Variants in HIVEP3 observed in about 807,000 individuals in gnomAD.
The protein encoded by HIVEP3 is HIVEP zinc finger 3.
Under a neutral mutation model 152.8 loss-of-function variants are expected in HIVEP3, and 49 were observed. The ratio of observed to expected loss-of-function variants is 0.32; its 90% CI spans 0.26 to 0.41. HIVEP3 has a LOEUF of 0.41. Among genes scored for constraint, HIVEP3 ranks in the 10% least tolerant of loss-of-function variants. HIVEP3 has a pLI of 1.00. For synonymous variants in HIVEP3, 1,269 were observed against 1,289.0 expected (o/e 0.98, Z 0.33); for missense variants, 2,790 against 3,103.3 (o/e 0.90, Z 2.40).
intron 1 of HIVEP3, among the ~76,000 whole-genome samples, chr1:41,842,558 T>C (rs1310381270): frequency 1.3e-5 from 2 of 151,962 alleles, no homozygotes; most frequent in Non-Finnish European, 2.9e-5. Context: ...AATCAGGAGG[T>C]CTTGGTGGAA....
At chr1:41,771,240 G>A (rs1373736559) in intron 1 of HIVEP3, among the ~76,000 whole-genome samples, 2 of 152,034 alleles carry the variant, frequency 1.3e-5, no homozygotes, top group African/African-American at 4.8e-5. Context: ...AATTTCAATT[G>A]CTGTTTCTAA....
intron 3 of HIVEP3, among the ~76,000 whole-genome samples, chr1:41,585,526 T>C (rs982682836): frequency 1.5e-4 from 23 of 152,118 alleles, no homozygotes; most frequent in Admixed American, 6.5e-5. Context: ...CCCGCTCCCA[T>C]GTCAGTGTTG....
At chr1:41,985,361 C>A (rs935233774) in intron 1 of HIVEP3, among the ~76,000 whole-genome samples, 2 of 152,152 alleles carry the variant, frequency 1.3e-5, no homozygotes, top group African/African-American at 4.8e-5. Context: ...GGCTTATAAA[C>A]AATAGAAATT....
intron 3 of HIVEP3, among the ~76,000 whole-genome samples, chr1:41,585,901 C>T (rs1644498221): frequency 6.6e-6 from 1 of 152,148 alleles, no homozygotes; most frequent in African/African-American, 2.4e-5. Context: ...TAGTATTTCT[C>T]TCTGGCCCTG....
At chr1:41,647,661 G>A (rs1271565773) in intron 2 of HIVEP3, among the ~76,000 whole-genome samples, 8 of 152,192 alleles carry the variant, frequency 5.3e-5, no homozygotes, top group African/African-American at 1.9e-4. Flanking sequence ...GGGAACATAG[G>A]GATCTGACTG....
chr1:41,778,169 A>C (rs1475318261), intron 1 of HIVEP3, among the ~76,000 whole-genome samples: 3 of 152,220 alleles, frequency 2.0e-5, no homozygotes, highest in Non-Finnish European at 2.9e-5. Context: ...GAACGAAGGA[A>C]GAGGGGACAA....
chr1:41,754,529 G>A (rs372510813), intron 1 of HIVEP3, among the ~76,000 whole-genome samples: 15 of 152,218 alleles, frequency 9.9e-5, no homozygotes, highest in East Asian at 9.6e-4. Flanking sequence ...CCTGCCTGCC[G>A]TACGTGTGGC....
chr1:41,628,232 C>A (rs772067960), intron 3 of HIVEP3, among the ~76,000 whole-genome samples: 1 of 152,156 alleles, frequency 6.6e-6, no homozygotes, highest in Non-Finnish European at 1.5e-5. Flanking sequence ...TTCTTCACAA[C>A]TTGGGGGCAG....
chr1:41,772,880 G>A (rs553848124), intron 1 of HIVEP3, among the ~76,000 whole-genome samples: 2 of 152,100 alleles, frequency 1.3e-5, no homozygotes, highest in African/African-American at 2.4e-5. Context: ...CACTCCAACC[G>A]GGGTGACAGA....
At chr1:41,629,501 GA>G (rs1383151219) in intron 2 of HIVEP3, among the ~76,000 whole-genome samples, 1 of 152,152 alleles carries the variant, frequency 6.6e-6, no homozygotes, top group East Asian at 1.9e-4. Flanking sequence ...TACAGAATGG[GA>G]GAAAATGTCT....
intron 2 of HIVEP3, among the ~76,000 whole-genome samples, chr1:41,676,657 T>C (rs1645961128): frequency 6.6e-6 from 1 of 152,244 alleles, no homozygotes; most frequent in Non-Finnish European, 1.5e-5. Flanking sequence ...CTGTTCAGTA[T>C]CCTCTCTCCC....
intron 1 of HIVEP3, among the ~76,000 whole-genome samples, chr1:41,832,330 C>T (rs1048308706): frequency 6.6e-6 from 1 of 152,144 alleles, no homozygotes; most frequent in South Asian, 2.1e-4. Context: ...GAGTTCAAGA[C>T]CAGCCTGGGC....
Position 41,510,203 on chromosome 1 carries a change from C to A in HIVEP3, c.*248G>T, listed in dbSNP as rs1399885147. ...ACCATAAACTATTCACAGCCTCAGACTCCTCGTGGGTTGTTGTTTTTTTTT... is the reference window on the plus strand; with the variant it reads ...ACCATAAACTATTCACAGCCTCAGAATCCTCGTGGGTTGTTGTTTTTTTTT... On this transcript the variant is annotated 3_prime_UTR_variant, in exon 9 of 9. Transcript: ENST00000372583. The A allele has an allele frequency of 3.6e-5, 13 of 358,366 alleles. No individual in the cohort carries two copies. The Admixed American group carries it at 6.1e-4, about 17-fold the overall frequency. The allele number at this position is 358,366 out of a possible 1,614,324, so 22.2% of individuals were successfully genotyped here.
intron 2 of HIVEP3, among the ~76,000 whole-genome samples, chr1:41,633,254 G>T (rs1179192338): frequency 6.6e-6 from 1 of 152,100 alleles, no homozygotes; most frequent in Non-Finnish European, 1.5e-5. Flanking sequence ...GAACAGATCT[G>T]CAGTAGCATC....
At chr1:41,946,032 A>C (rs1394456052) in intron 1 of HIVEP3, among the ~76,000 whole-genome samples, 1 of 152,146 alleles carries the variant, frequency 6.6e-6, no homozygotes, top group South Asian at 2.1e-4. Context: ...AAACGGGATT[A>C]AAAAAAGGCC....
At chr1:41,761,537 C>T (rs1394897404) in intron 1 of HIVEP3, among the ~76,000 whole-genome samples, 2 of 151,330 alleles carry the variant, frequency 1.3e-5, no homozygotes, top group African/African-American at 4.9e-5. Flanking sequence ...TGTATGAGTT[C>T]ACAGGTGTGT....
chr1:41,555,045 C>T (rs560699015), intron 5 of HIVEP3, among the ~76,000 whole-genome samples: 36 of 152,356 alleles, frequency 2.4e-4, no homozygotes, highest in African/African-American at 8.7e-4. Flanking sequence ...GACAGGGACG[C>T]TTAAGTCTGC....
chr1:41,547,339 G>A lies in HIVEP3; in HGVS notation c.5208-22429C>T, dbSNP rs556853458. Among the ~76,000 whole-genome samples, 7 of 152,336 alleles carry A rather than the reference G, an allele frequency of 4.6e-5. No homozygotes were observed. The East Asian group carries it at 1.3e-3, about 29-fold the overall frequency. On this transcript the variant is annotated intron_variant, in intron 5 of 8. Transcript: ENST00000372583. Reference sequence around the variant, plus strand: ...AAGTCAAGCTAAGGGAAAATAATCAGTCGGTCTTGGGGTTTGGAAGGATAG... The same window carrying A: ...AAGTCAAGCTAAGGGAAAATAATCAATCGGTCTTGGGGTTTGGAAGGATAG...
intron 1 of HIVEP3, among the ~76,000 whole-genome samples, chr1:42,006,079 C>T (rs757610177): frequency 1.3e-5 from 2 of 152,130 alleles, no homozygotes; most frequent in Admixed American, 6.6e-5. Flanking sequence ...TAGAAAAGAT[C>T]GTTGGATCAT....
Sources: allele counts gnomAD v4.1 joint callset (sites outside exome capture counted in the v4.1 genomes callset), GRCh38; gene constraint gnomAD v4.1.1; transcripts MANE v1.5; gene names NCBI Gene and HGNC (gene_info 2026-07-23, HGNC 2026-07-21).